CRAT: variants seen among roughly 807,000 people sequenced by gnomAD.
The protein encoded by CRAT is carnitine acetylase.
Under a neutral mutation model 73.7 loss-of-function variants are expected in CRAT, and 66 were observed. The ratio of observed to expected loss-of-function variants is 0.90; its 90% CI spans 0.73 to 1.10. The LOEUF (loss-of-function observed/expected upper bound fraction) is 1.10, where lower values mean the gene tolerates loss of function less well. Among genes scored for constraint, CRAT ranks in the 50% least tolerant of loss-of-function variants. The pLI is 0.00. For synonymous variants in CRAT, 321 were observed against 343.2 expected (o/e 0.94, Z 0.71); for missense variants, 745 against 846.9 (o/e 0.88, Z 1.49).
chr9:129,110,583 C>T lies in CRAT; in HGVS notation c.-74G>A. 8 of 1,256,520 alleles carry T rather than the reference C, an allele frequency of 6.4e-6. No homozygotes were observed. Among genetic ancestry groups the T allele is most frequent in the Non-Finnish European group, 8.7e-6 (8 of 922,724 alleles). 77.8% of individuals were successfully genotyped at this position (1,256,520 alleles called of 1,614,324 possible). A position where few individuals can be genotyped will look rare whatever the true frequency, so the allele number is the denominator to read the frequency against. On this transcript the variant is annotated 5_prime_UTR_variant, in exon 1 of 14. Transcript: ENST00000318080. The surrounding 1 kb of genome is among the most constrained non-coding windows in gnomAD (Gnocchi z 5.3). The stretch of plus-strand genomic sequence containing the variant: ...GGCAAAGTCCGCGCCGCCGCCGCCG[C>T]GGCTGGGGTCGGTGGGTCCTTGCTA...
chr9:129,099,021 G>A (rs1378957422), intron 8 of CRAT, among the ~76,000 whole-genome samples: 1 of 151,250 alleles, frequency 6.6e-6, no homozygotes, highest in Non-Finnish European at 1.5e-5. Context: ...CTGTCACCCA[G>A]GCTGGAGCAA....
chr9:129,100,624 T>A lies in CRAT; in HGVS notation c.871A>T (p.Thr291Ser). ...KSIFTVCLDA[T>S]MPRVSEDVYR... ...ACGTCTTCTGAGACCCTGGGCATGG[T>A]TGCATCTAGGCACACGGTGAAGATG... The change falls in exon 7 of 14, where the codon ACC (threonine) becomes TCC (serine). Residue 291 changes from threonine to serine, a missense_variant. Transcript: ENST00000318080. 1.2e-6 allele frequency: 2 copies of A among 1,614,054 alleles called. No homozygotes were observed. Among genetic ancestry groups the A allele is most frequent in the Non-Finnish European group, 1.7e-6 (2 of 1,179,976 alleles).
Position 129,098,635 on chromosome 9 carries a change from A to T in CRAT, c.1101T>A (p.Leu367=), listed in dbSNP as rs1193501240. 2.5e-6 allele frequency: 4 copies of T among 1,602,446 alleles called. No individual in the cohort carries two copies. The highest frequency in any genetic ancestry group is 2.7e-5 in the African/African-American group (2 of 73,642). The change falls in exon 9 of 14, where the codon CTT becomes CTA. Residue 367 remains leucine, a synonymous_variant. Transcript: ENST00000318080. ...GCAGGGGCACCAGGGGAGACCGCAC[A>T]AGCTCGGGTTTCTTCCTGCACAGTA... ...YVIEYTKKPE[L]VRSPLVPLPM...
chr9:129,095,836 C>T (rs1234775463), intron 13 of CRAT, among the ~76,000 whole-genome samples, 162 bp downstream of exon 13: 1 of 152,258 alleles, frequency 6.6e-6, no homozygotes, highest in Non-Finnish European at 1.5e-5. Flanking sequence ...GAGCACTGAC[C>T]CCTTCTCAGC....
chr9:129,098,620 C>G lies in CRAT; in HGVS notation c.1116G>C (p.Leu372=), dbSNP rs199671905. The change falls in exon 9 of 14, where the codon CTG becomes CTC. Residue 372 remains leucine (L), a synonymous_variant. Transcript: ENST00000318080. ...TKKPELVRSP[L]VPLPMPKKLR... is the part of the protein sequence containing the mutation. The stretch of plus-strand genomic sequence containing the variant: ...GCTTCTTGGGCATGGGCAGGGGCAC[C>G]AGGGGAGACCGCACAAGCTCGGGTT... 1.7e-5 allele frequency: 28 copies of G among 1,600,236 alleles called. No individual in the cohort carries two copies. In the Admixed American group the frequency reaches 3.6e-4, roughly 21 times the overall value.
intron 5 of CRAT, 93 bp from the exon 6 acceptor site, chr9:129,102,150 G>C: frequency 7.1e-7 from 1 of 1,409,578 alleles, no homozygotes; most frequent in Non-Finnish European, 9.7e-7. Flanking sequence ...TCCTGGCCTT[G>C]GCCTTGGAGG....
rs979590789 is a variant in CRAT at position 129,103,447 on chromosome 9, C to T, written c.411-381G>A. On this transcript the variant is annotated intron_variant, in intron 3 of 13. Transcript: ENST00000318080. This position sits in a 1 kb window ranked among gnomAD's most constrained non-coding sequence, Gnocchi z 4.6. ...GGGGGTGTCATCTGCTCTGAAGCAT[C>T]GGTTCTGGAGGCCCCGGGCCCCTGG... 5.9e-5 allele frequency among the ~76,000 whole-genome samples: 9 copies of T among 152,106 alleles called. No individual in the cohort carries two copies. Among genetic ancestry groups the T allele is most frequent in the African/African-American group, 1.7e-4 (7 of 41,418 alleles).
chr9:129,097,171 G>T (rs1021072375), intron 12 of CRAT, 79 bp downstream of exon 12: 5 of 1,303,800 alleles, frequency 3.8e-6, no homozygotes, highest in Non-Finnish European at 5.2e-6. Flanking sequence ...GCCATTGGCT[G>T]CAGGGACGGA....
intron 4 of CRAT, 28 bp downstream of exon 4, chr9:129,102,985 G>A: frequency 6.2e-7 from 1 of 1,604,210 alleles, no homozygotes; most frequent in African/African-American, 1.3e-5. Context: ...GGGCAGGTGT[G>A]GGGCTGGGCA....
In CRAT at chr9:129,110,685, C is replaced by A. The variant is rs1461016735; in HGVS notation, c.-176G>T. 7 of 801,374 alleles carry A rather than the reference C, an allele frequency of 8.7e-6. No individual in the cohort carries two copies. Among genetic ancestry groups the A allele is most frequent in the Non-Finnish European group, 1.3e-5 (7 of 552,872 alleles). The allele number at this position is 801,374 out of a possible 1,614,324, so 49.6% of individuals were successfully genotyped here. A position where few individuals can be genotyped will look rare whatever the true frequency, so the allele number is the denominator to read the frequency against. ...CCCCGCGCCCACCCTCTGGGCCGAG[C>A]GGGCTGCGGGAAGGCACCCGGGGAG... On this transcript the variant is annotated 5_prime_UTR_variant, in exon 1 of 14. Transcript: ENST00000318080. The surrounding 1 kb of genome is among the most constrained non-coding windows in gnomAD (Gnocchi z 5.3).
At chr9:129,098,809 C>CTTTTT in intron 8 of CRAT, among the ~76,000 whole-genome samples, 159 bp from the exon 9 acceptor site, 1 of 70,930 alleles carries the variant, frequency 1.4e-5, no homozygotes, top group African/African-American at 6.0e-5. Flanking sequence ...GCTTTTTTTT[C>CTTTTT]TTTTTTCTTT....
At chr9:129,096,510 G>A (rs1450310420) in intron 12 of CRAT, among the ~76,000 whole-genome samples, 1 of 152,242 alleles carries the variant, frequency 6.6e-6, no homozygotes, top group Non-Finnish European at 1.5e-5. Flanking sequence ...AAATGGACGT[G>A]TGCATGTAGC....
In CRAT at chr9:129,110,382, G is replaced by A; in HGVS notation, c.27+101C>T. On this transcript the variant is annotated intron_variant, in intron 1 of 13. Coordinates refer to ENST00000318080, the MANE Select transcript of CRAT (RefSeq NM_000755.5). This position sits in a 1 kb window ranked among gnomAD's most constrained non-coding sequence, Gnocchi z 5.3. ...CCCCACCCCATCAGCTGGAGGCCGG[G>A]TCGAACAGCGGCCGCAGGACGCGGT... 1.6e-6 allele frequency: 2 copies of A among 1,275,496 alleles called. No homozygotes were observed. The highest frequency in any genetic ancestry group is 2.1e-6 in the Non-Finnish European group (2 of 958,682). The allele number at this position is 1,275,496 out of a possible 1,614,324, so 79.0% of individuals were successfully genotyped here.
intron 2 of CRAT, 80 bp from the exon 3 acceptor site, chr9:129,104,386 T>A: frequency 2.7e-6 from 3 of 1,100,504 alleles, no homozygotes; most frequent in Non-Finnish European, 4.1e-6. Flanking sequence ...GGGACCTGGC[T>A]GGCCCCCATG....
rs551012337 is a variant in CRAT, at chr9:129,095,411, G to T, written c.1867C>A (p.Arg623=). 1.9e-6 allele frequency: 3 copies of T among 1,611,068 alleles called. No homozygotes were observed. Among genetic ancestry groups the T allele is most frequent in the Non-Finnish European group, 2.5e-6 (3 of 1,179,936 alleles). ...GTCCTAGGGGCTCAGAGCTTGGCCCGGGGGTGGCTCTGCAGCAGGGCACGC... is the reference window on the plus strand; with the variant it reads ...GTCCTAGGGGCTCAGAGCTTGGCCCTGGGGTGGCTCTGCAGCAGGGCACGC... ...DMRALLQSHP[R]AKL is the part of the protein sequence containing the mutation. The change falls in exon 14 of 14, where the codon CGG becomes AGG. Residue 623 remains arginine, a synonymous_variant. Coordinates refer to ENST00000318080, the MANE Select transcript of CRAT (RefSeq NM_000755.5).
At chr9:129,108,767 T>C in intron 1 of CRAT, 1 of 1,304,190 alleles carries the variant, frequency 7.7e-7, no homozygotes, top group South Asian at 1.2e-5. Context: ...CCATACCTTC[T>C]CTCTCTGCTG....
At chr9:129,108,465 C>T (rs867073621) in intron 1 of CRAT, 5 of 1,167,348 alleles carry the variant, frequency 4.3e-6, no homozygotes, top group Middle Eastern at 3.9e-4. Flanking sequence ...GTCCCCACGT[C>T]CTTTTCTCCC....
Position 129,107,647 on chromosome 9 carries a change from G to A in CRAT, c.291+167C>T. 4.5e-6 allele frequency: 4 copies of A among 888,294 alleles called. No homozygotes were observed. Among genetic ancestry groups the A allele is most frequent in the Non-Finnish European group, 7.4e-6 (4 of 540,910 alleles). The allele number at this position is 888,294 out of a possible 1,614,324, so 55.0% of individuals were successfully genotyped here. ...CTTGAATGTTAGCTCCAAGGAGCTG[G>A]TGACTGTGTCCTTCTTGATCACCCA... On this transcript the variant is annotated intron_variant, in intron 2 of 13. Coordinates refer to ENST00000318080, the MANE Select transcript of CRAT (RefSeq NM_000755.5). The surrounding 1 kb of genome is among the most constrained non-coding windows in gnomAD (Gnocchi z 5.0).
In CRAT at chr9:129,106,210, A is replaced by G. The variant is rs1248162739; in HGVS notation, c.291+1604T>C. Among the ~76,000 whole-genome samples the G allele has an allele frequency of 6.6e-6, 1 of 152,144 alleles. No individual in the cohort carries two copies. Among genetic ancestry groups the G allele is most frequent in the African/African-American group, 2.4e-5 (1 of 41,432 alleles). ...GTACAACAGGTGACTGGTAGCCCCTAAGAACTGGGTCCCTGAGTCAGTCAG... is the reference window on the plus strand; with the variant it reads ...GTACAACAGGTGACTGGTAGCCCCTGAGAACTGGGTCCCTGAGTCAGTCAG... On this transcript the variant is annotated intron_variant, in intron 2 of 13. Coordinates refer to ENST00000318080, the MANE Select transcript of CRAT (RefSeq NM_000755.5). This position sits in a 1 kb window ranked among gnomAD's most constrained non-coding sequence, Gnocchi z 4.0.
Sources: allele counts gnomAD v4.1 joint callset (sites outside exome capture counted in the v4.1 genomes callset), GRCh38; gene constraint gnomAD v4.1.1; non-coding constraint Gnocchi (gnomAD v3.1); transcripts MANE v1.5; gene names NCBI Gene and HGNC (gene_info 2026-07-23, HGNC 2026-07-21).